The following NDEL1 variants were observed in gnomAD, a reference collection of about 807,000 sequenced individuals.
The protein encoded by NDEL1 is nuclear distribution protein nudE-like 1.
NDEL1 carries 9 observed loss-of-function variants against 45.7 expected under a neutral mutation model. The ratio of observed to expected loss-of-function variants is 0.20; its 90% CI spans 0.12 to 0.34. The LOEUF is 0.34. NDEL1 is among the 10% of genes least tolerant of loss of function. The probability of loss-of-function intolerance (pLI) is 1.00; values close to 1 mark genes in which losing one functional copy is unlikely to be tolerated. For synonymous variants in NDEL1, 133 were observed against 158.6 expected (o/e 0.84, Z 1.21); for missense variants, 306 against 406.2 (o/e 0.75, Z 2.12).
At chr17:8,457,592 GC>G (rs1910924307) in intron 7 of NDEL1, among the ~76,000 whole-genome samples, 2 of 152,168 alleles carry the variant, frequency 1.3e-5, no homozygotes, top group African/African-American at 2.4e-5. Flanking sequence ...TGAACTGGAA[GC>G]CCTTCTCCAC....
intron 1 of NDEL1, among the ~76,000 whole-genome samples, chr17:8,418,551 C>A (rs1355467759): frequency 6.6e-6 from 1 of 152,172 alleles, no homozygotes; most frequent in African/African-American, 2.4e-5. Flanking sequence ...GTGTCCATTG[C>A]TCATTTTTCT....
intron 1 of NDEL1, among the ~76,000 whole-genome samples, chr17:8,426,310 G>A (rs1357342017): frequency 6.6e-6 from 1 of 152,122 alleles, no homozygotes; most frequent in African/African-American, 2.4e-5. Flanking sequence ...ATGGGAATCG[G>A]GCTAAAATTG....
chr17:8,455,238 G>C (rs1373221407), intron 7 of NDEL1, among the ~76,000 whole-genome samples: 1 of 152,076 alleles, frequency 6.6e-6, no homozygotes, highest in African/African-American at 2.4e-5. Context: ...CCGTCTTCCT[G>C]GTCATTCCTT....
At chr17:8,426,818 G>A (rs1908844352) in intron 1 of NDEL1, among the ~76,000 whole-genome samples, 1 of 152,204 alleles carries the variant, frequency 6.6e-6, no homozygotes, top group African/African-American at 2.4e-5. Context: ...AAAGGCTCTT[G>A]AAACCTCAGT....
At chr17:8,417,118 A>C (rs533497813) in intron 1 of NDEL1, among the ~76,000 whole-genome samples, 12 of 147,690 alleles carry the variant, frequency 8.1e-5, no homozygotes, top group South Asian at 2.1e-4. Flanking sequence ...TTTCTTTTTT[A>C]TTTCTTTCTT....
chr17:8,463,342 A>G, intron 8 of NDEL1: 1 of 1,613,146 alleles, frequency 6.2e-7, no homozygotes, highest in Non-Finnish European at 8.5e-7. Context: ...CATATTTCCC[A>G]CGTTGTTCAT....
chr17:8,446,426 A>G (rs1245387989), intron 3 of NDEL1, among the ~76,000 whole-genome samples: 2 of 152,138 alleles, frequency 1.3e-5, no homozygotes, highest in Non-Finnish European at 2.9e-5. Context: ...AGGGAATGTG[A>G]ACTCTGTGCT....
At chr17:8,466,700 G>A (rs994442210) in intron 8 of NDEL1, 4 of 561,116 alleles carry the variant, frequency 7.1e-6, no homozygotes, top group East Asian at 6.2e-5. Context: ...GCCAGTGTGC[G>A]GCAGTTGCCA....
In NDEL1 at chr17:8,462,193, C is replaced by T. The variant is rs16957300; in HGVS notation, c.944+2033C>T. ...CCGGAAATGTGCTGTGCTTCCCAAT[C>T]GGAACAGTTGCAGATACTGAGTTTT... On this transcript the variant is annotated intron_variant, in intron 8 of 8. Coordinates refer to ENST00000334527, the MANE Select transcript of NDEL1 (RefSeq NM_030808.5). 8.9e-3 allele frequency among the ~76,000 whole-genome samples: 1,346 copies of T among 151,796 alleles called. 18 individuals are homozygous for T. Among genetic ancestry groups the T allele is most frequent in the African/African-American group, 0.031 (1,278 of 41,358 alleles).
At position 8,435,933 on chromosome 17, in the gene NDEL1, A is replaced by G; in HGVS notation, c.-125A>G. The G allele has an allele frequency of 2.2e-6, 1 of 448,360 alleles. No homozygotes were observed. The highest frequency in any genetic ancestry group is 4.5e-6 in the Non-Finnish European group (1 of 223,218). The allele number at this position is 448,360 out of a possible 1,614,324, so 27.8% of individuals were successfully genotyped here. A position where few individuals can be genotyped will look rare whatever the true frequency, so the allele number is the denominator to read the frequency against. On this transcript the variant is annotated 5_prime_UTR_variant, in exon 1 of 9. Coordinates refer to ENST00000334527, the MANE Select transcript of NDEL1 (RefSeq NM_030808.5). ...CCGGGCGCGGAGGTACGCTGAGTGG[A>G]GCTCGGGGCTGCGTAGGGGAGCTGA...
chr17:8,432,359 A>AATATATATATATATTATATATATATATAT (rs1567722425), upstream of NDEL1, among the ~76,000 whole-genome samples: 2 of 59,810 alleles, frequency 3.3e-5, no homozygotes, highest in East Asian at 3.7e-4. Context: ...TATAAATATA[A>AATATATATATATATTATATATATATATAT]ATATATATAT....
chr17:8,472,897 A>T, downstream of NDEL1, among the ~76,000 whole-genome samples: 1 of 152,156 alleles, frequency 6.6e-6, no homozygotes, highest in African/African-American at 2.4e-5. Context: ...CTCACCGGGA[A>T]CCACACTGCT....
intron 1 of NDEL1, among the ~76,000 whole-genome samples, chr17:8,413,492 C>T (rs1908471640): frequency 6.6e-6 from 1 of 152,174 alleles, no homozygotes; most frequent in Admixed American, 6.5e-5. Flanking sequence ...GAAACCATAT[C>T]ATTTGCGCAC....
intron 1 of NDEL1, among the ~76,000 whole-genome samples, chr17:8,421,846 A>T (rs1183559596): frequency 6.6e-6 from 1 of 152,178 alleles, no homozygotes; most frequent in African/African-American, 2.4e-5. Flanking sequence ...CATTCTGCAG[A>T]CTGGCCAAGG....
At chr17:8,449,208 C>T (rs933993943) in intron 5 of NDEL1, among the ~76,000 whole-genome samples, 1 of 152,216 alleles carries the variant, frequency 6.6e-6, no homozygotes, top group Admixed American at 6.5e-5. Context: ...ATCTCGAACT[C>T]CTGACCTCGT....
intron 1 of NDEL1, chr17:8,444,030 C>T (rs1260676916): frequency 2.8e-6 from 1 of 353,030 alleles, no homozygotes; most frequent in Non-Finnish European, 5.2e-6. Flanking sequence ...TGCCTCCTGT[C>T]GCTTTGTATC....
At chr17:8,423,872 G>A (rs889222446) in intron 1 of NDEL1, among the ~76,000 whole-genome samples, 1 of 152,044 alleles carries the variant, frequency 6.6e-6, no homozygotes, top group Non-Finnish European at 1.5e-5. Context: ...TATCTACTGG[G>A]GTTACTTGGC....
At chr17:8,463,430 C>G (rs902685623) in intron 8 of NDEL1, 30 of 1,416,944 alleles carry the variant, frequency 2.1e-5, no homozygotes, top group Non-Finnish European at 3.0e-5. Context: ...CATTAACAAT[C>G]TGGTTTTACT....
intron 7 of NDEL1, among the ~76,000 whole-genome samples, chr17:8,458,541 A>G (rs1185973198): frequency 7.7e-6 from 1 of 130,496 alleles, no homozygotes; most frequent in African/African-American, 3.1e-5. Flanking sequence ...ATGGCTCTCA[A>G]TTTCTACTGT....
Sources: gnomAD v4.1 joint callset for allele counts (sites outside exome capture counted in the v4.1 genomes callset) on GRCh38, gnomAD v4.1.1 for gene constraint, MANE v1.5 for transcripts, NCBI Gene and HGNC (gene_info 2026-07-23, HGNC 2026-07-21) for gene names.